The following LOC131768270 variants were observed in gnomAD, a reference collection of about 807,000 sequenced individuals.
At chr5:140,566,603 C>G in the LOC131768270 span, 1 of 435,794 alleles carries the variant, frequency 2.3e-6, no homozygotes, top group Non-Finnish European at 4.0e-6. Context: ...TCAAGGGATT[C>G]CTGGCTGGCT....
chr5:140,566,036 A>C, the LOC131768270 span: 16 of 398,330 alleles, frequency 4.0e-5, no homozygotes, highest in Admixed American at 1.8e-4. Context: ...TGAGAGTGTT[A>C]AATGGATGGT....
At chr5:140,567,240 T>C in the LOC131768270 span, 1 of 1,614,058 alleles carries the variant, frequency 6.2e-7, no homozygotes, top group South Asian at 1.1e-5. Context: ...CTGATGCTAC[T>C]CCTATCCACT....
At chr5:140,565,879 C>G in the LOC131768270 span, 1 of 398,866 alleles carries the variant, frequency 2.5e-6, no homozygotes, top group South Asian at 1.3e-4. Flanking sequence ...CTAGGATTCT[C>G]TGCCTAAGCT....
At chr5:140,567,184 TGG>T in the LOC131768270 span, 1 of 1,613,040 alleles carries the variant, frequency 6.2e-7, no homozygotes. Context: ...GTGTAGAGGA[TGG>T]GGGTATGCCA....
At chr5:140,568,028 C>T in the LOC131768270 span, 3 of 1,613,924 alleles carry the variant, frequency 1.9e-6, no homozygotes, top group Non-Finnish European at 2.5e-6. Flanking sequence ...GTCCTGCTCG[C>T]TGGTGGTCAA....
the LOC131768270 span, chr5:140,568,184 T>A: frequency 3.9e-4 from 635 of 1,613,282 alleles, 1 homozygote; most frequent in Middle Eastern, 1.3e-3. Context: ...CCCTGTAGAT[T>A]GGGCGCCACC....
At chr5:140,565,371 AAG>A in the LOC131768270 span, 21 of 158,142 alleles carry the variant, frequency 1.3e-4, no homozygotes, top group African/African-American at 5.0e-4. Flanking sequence ...CTTGGGAAGA[AAG>A]AGGTAAAGCC....
At chr5:140,567,847 T>C in the LOC131768270 span, 2 of 1,614,130 alleles carry the variant, frequency 1.2e-6, no homozygotes, top group Non-Finnish European at 1.7e-6. Flanking sequence ...TCCTCTACAC[T>C]TTTGGTGTGC....
chr5:140,567,713 C>T, the LOC131768270 span: 2 of 1,614,180 alleles, frequency 1.2e-6, no homozygotes, highest in East Asian at 2.2e-5. Context: ...CCCCATGCCC[C>T]TGCATATCAC....
At chr5:140,567,451 G>A in the LOC131768270 span, 1 of 1,614,012 alleles carries the variant, frequency 6.2e-7, no homozygotes, top group Non-Finnish European at 8.5e-7. Flanking sequence ...TATCAGCCCT[G>A]CTCTATGGCG....
chr5:140,569,076 AG>A, the LOC131768270 span: 2 of 167,090 alleles, frequency 1.2e-5, no homozygotes. Context: ...TCTAGGCTGT[AG>A]GGTGGTTCCT....
chr5:140,565,060 A>C, the LOC131768270 span: 2 of 397,496 alleles, frequency 5.0e-6, no homozygotes, highest in Non-Finnish European at 8.9e-6. Context: ...TGGATCCCCC[A>C]GATGTCCCCT....
At chr5:140,568,187 G>A in the LOC131768270 span, 16 of 1,612,994 alleles carry the variant, frequency 9.9e-6, no homozygotes, top group Non-Finnish European at 1.4e-5. Flanking sequence ...TGTAGATTGG[G>A]CGCCACCACC....
At chr5:140,567,625 G>A in the LOC131768270 span, 121 of 1,614,164 alleles carry the variant, frequency 7.5e-5, no homozygotes, top group East Asian at 2.3e-3. Context: ...TGATGGCTGC[G>A]GGAGCCTGCT....
At chr5:140,566,823 C>G in the LOC131768270 span, 2 of 602,572 alleles carry the variant, frequency 3.3e-6, no homozygotes, top group South Asian at 4.0e-5. Flanking sequence ...GACACTTTAT[C>G]TGGATTCCCC....
chr5:140,567,767 G>A, the LOC131768270 span: 1 of 1,614,104 alleles, frequency 6.2e-7, no homozygotes, highest in Non-Finnish European at 8.5e-7. Context: ...CCTCATCTCA[G>A]GCTTGTCGTC....
chr5:140,567,344 C>T, the LOC131768270 span: 3 of 1,614,166 alleles, frequency 1.9e-6, no homozygotes, highest in Non-Finnish European at 2.5e-6. Context: ...GCTGACTGAG[C>T]TGACCAAGCT....
chr5:140,567,190 T>TATGCCAGGCCTGGGCC, the LOC131768270 span: 1 of 1,613,974 alleles, frequency 6.2e-7, no homozygotes, highest in Non-Finnish European at 8.5e-7. Context: ...AGGATGGGGG[T>TATGCCAGGCCTGGGCC]ATGCCAGGCC....
chr5:140,565,021 GA>G, the LOC131768270 span: 19 of 398,386 alleles, frequency 4.8e-5, no homozygotes, highest in Admixed American at 7.9e-4. Context: ...GTGGTGTGGG[GA>G]GAGCATTCGG....
Sources: allele counts gnomAD v4.1 joint callset, GRCh38; gene constraint gnomAD v4.1.1; transcripts MANE v1.5.